BAALC: variants seen among roughly 807,000 people sequenced by gnomAD.
BAALC encodes brain and acute leukemia cytoplasmic protein.
In BAALC, 9 loss-of-function variants were observed where a neutral mutation model predicts 15.5. The ratio of observed to expected loss-of-function variants is 0.58; its 90% confidence interval spans 0.35 to 1.02. The LOEUF (loss-of-function observed/expected upper bound fraction) is 1.02. BAALC is among the 50% of genes least tolerant of loss of function. The pLI is 0.02. For missense variants in BAALC, 201 were observed against 192.4 expected, an observed-to-expected ratio of 1.04 and a Z score of -0.27; for synonymous variants, 80 against 74.6, an observed-to-expected ratio of 1.07 and a Z score of -0.37.
chr8:103,222,549 A>G (rs1006105163), intron 2 of BAALC, among the ~76,000 whole-genome samples: 1 of 152,188 alleles, frequency 6.6e-6, no homozygotes, highest in Non-Finnish European at 1.5e-5. Flanking sequence ...TTAGTCCTCA[A>G]TTGCAACGAC....
At chr8:103,188,727 C>T (rs778348779) in intron 1 of BAALC, among the ~76,000 whole-genome samples, 9 of 152,202 alleles carry the variant, frequency 5.9e-5, no homozygotes, top group Non-Finnish European at 1.3e-4. Flanking sequence ...CTTCCTCAAC[C>T]TTTCAGTATC....
intron 2 of BAALC, among the ~76,000 whole-genome samples, chr8:103,224,133 G>T (rs963510751): frequency 1.3e-5 from 2 of 152,112 alleles, no homozygotes; most frequent in Non-Finnish European, 2.9e-5. Context: ...GTGTGTGTGT[G>T]TGTGTTTAGC....
intron 1 of BAALC, among the ~76,000 whole-genome samples, chr8:103,193,272 G>T (rs1175023522): frequency 1.3e-5 from 2 of 152,202 alleles, no homozygotes; most frequent in Non-Finnish European, 2.9e-5. Context: ...GTAAATCTGG[G>T]TCTCCTGCTT....
At chr8:103,143,220 G>A (rs192962631) in intron 1 of BAALC, among the ~76,000 whole-genome samples, 165 of 152,112 alleles carry the variant, frequency 1.1e-3, no homozygotes, top group African/African-American at 3.7e-3. Flanking sequence ...AGATCTCCTG[G>A]GTTTCAGCCA....
rs147831555 is a variant in BAALC at position 103,143,211 on chromosome 8, G to A, written c.160+2154G>A. On this transcript the variant is annotated intron_variant, in intron 1 of 2. Transcript: ENST00000309982. ...GAATGGGTCATCCGTGAAAGCTACA[G>A]ATCTCCTGGGTTTCAGCCACCCTGG... 7.0e-4 allele frequency among the ~76,000 whole-genome samples: 106 copies of A among 152,176 alleles called. No individual in the cohort carries two copies. The East Asian group carries it at 0.018, about 26-fold the overall frequency.
At chr8:103,155,050 A>G (rs984851216) in intron 1 of BAALC, among the ~76,000 whole-genome samples, 1 of 152,066 alleles carries the variant, frequency 6.6e-6, no homozygotes, top group Non-Finnish European at 1.5e-5. Flanking sequence ...CACTTCGCCA[A>G]TTAAACATTT....
chr8:103,147,849 CT>C (rs1810909985), intron 1 of BAALC, among the ~76,000 whole-genome samples: 1 of 152,200 alleles, frequency 6.6e-6, no homozygotes, highest in African/African-American at 2.4e-5. Flanking sequence ...CACATTTACT[CT>C]CCTCTGCAGA....
intron 1 of BAALC, 82 bp downstream of exon 1, chr8:103,141,139 C>G: frequency 7.4e-7 from 1 of 1,349,370 alleles, no homozygotes; most frequent in African/African-American, 1.6e-5. Context: ...GGAGCCGGTT[C>G]CCTGAGGAAT....
At chr8:103,183,344 A>G (rs892254840) in intron 1 of BAALC, 1 of 702,770 alleles carries the variant, frequency 1.4e-6, no homozygotes, top group Non-Finnish European at 2.6e-6. Context: ...CACTGTTCTT[A>G]TTTTCCTGGT....
chr8:103,161,972 T>TTTTTG (rs1811236463), intron 1 of BAALC, among the ~76,000 whole-genome samples: 3 of 152,060 alleles, frequency 2.0e-5, no homozygotes, highest in South Asian at 2.1e-4. Flanking sequence ...TTTGTTTTTG[T>TTTTTG]TTTTTTGAAA....
At position 103,228,516 on chromosome 8, in the gene BAALC, C is replaced by T. The variant is rs1170446250; in HGVS notation, c.*417C>T. Reference sequence around the variant, plus strand: ...GATAGTGTATTCTGTTTCAGGCAAGCTTATTCTTTCCTTCTTTCATTTTAA... The same window carrying T: ...GATAGTGTATTCTGTTTCAGGCAAGTTTATTCTTTCCTTCTTTCATTTTAA... On this transcript the variant is annotated 3_prime_UTR_variant, in exon 3 of 3. Transcript: ENST00000309982. 1 of 154,230 alleles carries T rather than the reference C, an allele frequency of 6.5e-6. No homozygotes were observed. The highest frequency in any genetic ancestry group is 2.4e-5 in the African/African-American group (1 of 41,532). The allele number at this position is 154,230 out of a possible 1,614,324, so 9.6% of individuals were successfully genotyped here. A position where few individuals can be genotyped will look rare whatever the true frequency, so the allele number is the denominator to read the frequency against.
At chr8:103,226,943 C>T (rs368712849) in intron 2 of BAALC, among the ~76,000 whole-genome samples, 1 of 152,044 alleles carries the variant, frequency 6.6e-6, no homozygotes, top group African/African-American at 2.4e-5. Context: ...GTATTTGAAC[C>T]AAAGTCTCTC....
intron 1 of BAALC, among the ~76,000 whole-genome samples, chr8:103,145,431 AC>A (rs2129853567): frequency 7.1e-6 from 1 of 141,784 alleles, no homozygotes; most frequent in African/African-American, 2.6e-5. Flanking sequence ...GGTAGGCCTG[AC>A]CACATTCTCT....
chr8:103,179,207 A>G (rs903205243), intron 1 of BAALC, among the ~76,000 whole-genome samples: 1 of 152,136 alleles, frequency 6.6e-6, no homozygotes, highest in Non-Finnish European at 1.5e-5. Flanking sequence ...CACTATGGAA[A>G]TTTTGGGCCC....
chr8:103,181,479 A>G (rs1032950874), intron 1 of BAALC, among the ~76,000 whole-genome samples: 10 of 151,980 alleles, frequency 6.6e-5, no homozygotes, highest in South Asian at 2.1e-4. Flanking sequence ...TCACCATGTT[A>G]GCCAGGATGG....
intron 1 of BAALC, chr8:103,172,113 C>T (rs1811510354): frequency 6.6e-6 from 1 of 152,192 alleles, no homozygotes; most frequent in African/African-American, 2.4e-5. Context: ...TGCTCTGCTC[C>T]TGTTCCTGCC....
intron 1 of BAALC, among the ~76,000 whole-genome samples, chr8:103,184,014 G>A (rs79249779): frequency 2.0e-5 from 3 of 152,184 alleles, no homozygotes; most frequent in South Asian, 2.1e-4. Flanking sequence ...GGCTCCTTGG[G>A]AGAATCCATT....
chr8:103,166,075 T>C (rs1811339102), intron 1 of BAALC: 2 of 152,606 alleles, frequency 1.3e-5, no homozygotes, highest in African/African-American at 4.8e-5. Context: ...AGGTTCTCCA[T>C]TGTTCGCTTT....
At chr8:103,199,647 ATTTC>A (rs898813335) in intron 1 of BAALC, among the ~76,000 whole-genome samples, 7 of 151,450 alleles carry the variant, frequency 4.6e-5, no homozygotes, top group Non-Finnish European at 1.0e-4. Context: ...GTATCATCTA[ATTTC>A]TTTCTTTTTT....
Sources: allele counts gnomAD v4.1 joint callset (sites outside exome capture counted in the v4.1 genomes callset), GRCh38; gene constraint gnomAD v4.1.1; transcripts MANE v1.5; gene names NCBI Gene and HGNC (gene_info 2026-07-23, HGNC 2026-07-21).